Variants in TENM2 observed in about 807,000 individuals in gnomAD.
TENM2 encodes the protein teneurin transmembrane protein 2.
A neutral mutation model predicts 245.2 loss-of-function variants in TENM2; 52 were observed. The ratio of observed to expected loss-of-function variants is 0.21; its 90% CI spans 0.17 to 0.27. The LOEUF is 0.27. TENM2 is among the 10% of genes least tolerant of loss of function. TENM2 has a pLI of 1.00. For missense variants in TENM2, 3,046 were observed against 3,666.8 expected (o/e 0.83, Z 4.37); for synonymous variants, 1,363 against 1,438.9 (o/e 0.95, Z 1.19).
intron 2 of TENM2, among the ~76,000 whole-genome samples, chr5:167,492,851 T>TAAAAAGGAATGGCTCACCCTGAA (rs1320779963): frequency 5.9e-5 from 9 of 152,000 alleles, no homozygotes; most frequent in Non-Finnish European, 1.3e-4. Flanking sequence ...TGATTGATTA[T>TAAAAAGGAATGGCTCACCCTGAA]AAAAAGGAAT....
chr5:167,881,719 C>G (rs909436263), intron 3 of TENM2, among the ~76,000 whole-genome samples: 3 of 152,172 alleles, frequency 2.0e-5, no homozygotes, highest in Admixed American at 2.0e-4. Flanking sequence ...CTCTTCTGGA[C>G]AGGTTCTTGT....
intron 2 of TENM2, among the ~76,000 whole-genome samples, chr5:167,696,954 G>A (rs149601414): frequency 2.3e-3 from 348 of 152,210 alleles, no homozygotes; most frequent in African/African-American, 8.0e-3. Flanking sequence ...GAAAACAAGC[G>A]TCTACACTCT....
chr5:168,062,578 A>T (rs904424067), intron 7 of TENM2, among the ~76,000 whole-genome samples: 1 of 152,208 alleles, frequency 6.6e-6, no homozygotes, highest in Non-Finnish European at 1.5e-5. Flanking sequence ...AAACGTATGT[A>T]TCAGTGTTCA....
chr5:168,143,352 G>A (rs530399473), intron 12 of TENM2, among the ~76,000 whole-genome samples: 1 of 150,958 alleles, frequency 6.6e-6, no homozygotes, highest in Non-Finnish European at 1.5e-5. Context: ...AAATTACTTA[G>A]TATGCTATAT....
intron 15 of TENM2, 97 bp downstream of exon 17, chr5:168,195,392 G>A (rs954433958): frequency 2.1e-6 from 3 of 1,439,472 alleles, no homozygotes; most frequent in Non-Finnish European, 2.8e-6. Context: ...ATTCCCCCTG[G>A]TGGACTGGAA....
intron 14 of TENM2, among the ~76,000 whole-genome samples, chr5:168,194,368 G>T (rs1735212970): frequency 6.6e-6 from 1 of 152,124 alleles, no homozygotes; most frequent in Non-Finnish European, 1.5e-5. Context: ...ACTTTCCCAG[G>T]GGTAGCTGGT....
At chr5:168,134,005 A>C (rs879941167) in intron 12 of TENM2, among the ~76,000 whole-genome samples, 1 of 152,072 alleles carries the variant, frequency 6.6e-6, no homozygotes, top group Admixed American at 6.6e-5. Flanking sequence ...ACATACAAAA[A>C]TTAGCCAGGT....
the TENM2 span, among the ~76,000 whole-genome samples, chr5:167,204,087 G>T: frequency 6.6e-6 from 1 of 151,908 alleles, no homozygotes; most frequent in Non-Finnish European, 1.5e-5. Context: ...TTGCATCCCA[G>T]TGTCTTTGTT....
At chr5:167,016,343 G>T in the TENM2 span, among the ~76,000 whole-genome samples, 1 of 147,890 alleles carries the variant, frequency 6.8e-6, no homozygotes, top group Non-Finnish European at 1.5e-5. Flanking sequence ...CTGAAAAATC[G>T]TTAGTGTACA....
Position 168,034,862 on chromosome 5 carries a change from A to G in TENM2, c.1187-12565A>G, listed in dbSNP as rs576588157. Reference sequence around the variant, plus strand: ...TCAGCTTAGAAAAATCCTGTCAGCCACAGTGGTCTAGGACCTCCTCTGTGA... The same window carrying G: ...TCAGCTTAGAAAAATCCTGTCAGCCGCAGTGGTCTAGGACCTCCTCTGTGA... On this transcript the variant is annotated intron_variant, in intron 5 of 28. Coordinates refer to ENST00000518659, the Ensembl canonical transcript of TENM2. Among the ~76,000 whole-genome samples, 210 of 152,366 alleles carry G rather than the reference A, an allele frequency of 1.4e-3. 1 individual carries two copies. The highest frequency in any genetic ancestry group is 0.013 in the Admixed American group (201 of 15,300).
intron 3 of TENM2, among the ~76,000 whole-genome samples, chr5:167,887,847 C>A (rs11134479): frequency 0.44 from 66,853 of 151,954 alleles, 16,950 homozygotes; most frequent in Non-Finnish European, 0.56. Flanking sequence ...AGTTCCAAAC[C>A]ATGCTCCTTC....
chr5:167,637,195 G>C (rs1779257069), intron 2 of TENM2, among the ~76,000 whole-genome samples: 1 of 152,130 alleles, frequency 6.6e-6, no homozygotes, highest in Non-Finnish European at 1.5e-5. Context: ...GATTGTTGCT[G>C]TTGCTATCTG....
the TENM2 span, among the ~76,000 whole-genome samples, chr5:167,052,821 T>G: frequency 6.6e-6 from 1 of 152,120 alleles, no homozygotes; most frequent in Non-Finnish European, 1.5e-5. Context: ...GAAATAGTTT[T>G]TATCACCTCT....
intron 2 of TENM2, among the ~76,000 whole-genome samples, chr5:167,663,182 G>GAA (rs1554097412): frequency 7.6e-4 from 104 of 137,536 alleles, no homozygotes; most frequent in African/African-American, 2.7e-3. Flanking sequence ...GAGAGAGAGA[G>GAA]AGAGAAAGAG....
At chr5:167,686,837 T>C (rs191561720) in intron 2 of TENM2, among the ~76,000 whole-genome samples, 6 of 152,286 alleles carry the variant, frequency 3.9e-5, no homozygotes, top group African/African-American at 1.4e-4. Context: ...GAGCCCCATT[T>C]CTATTAGGTT....
At chr5:167,959,534 G>C (rs1165543896) in intron 4 of TENM2, among the ~76,000 whole-genome samples, 1 of 152,152 alleles carries the variant, frequency 6.6e-6, no homozygotes, top group African/African-American at 2.4e-5. Flanking sequence ...CTTGTGCTGT[G>C]TTTTTCAGCT....
At chr5:167,087,248 A>G in the TENM2 span, among the ~76,000 whole-genome samples, 1 of 152,122 alleles carries the variant, frequency 6.6e-6, no homozygotes, top group African/African-American at 2.4e-5. Flanking sequence ...TCCTATAAAA[A>G]TGTTCTTTAC....
At chr5:167,238,251 G>T in the TENM2 span, among the ~76,000 whole-genome samples, 1 of 151,996 alleles carries the variant, frequency 6.6e-6, no homozygotes, top group African/African-American at 2.4e-5. Flanking sequence ...AACATTAAAT[G>T]ATAAACATTA....
intron 2 of TENM2, among the ~76,000 whole-genome samples, chr5:167,805,889 G>T (rs1447021872): frequency 1.3e-5 from 2 of 152,186 alleles, no homozygotes; most frequent in East Asian, 1.9e-4. Flanking sequence ...GTCCTGGGGG[G>T]ACTAGATGGC....
Sources: gnomAD v4.1 joint callset for allele counts (sites outside exome capture counted in the v4.1 genomes callset) on GRCh38, gnomAD v4.1.1 for gene constraint, MANE v1.5 for transcripts, NCBI Gene and HGNC (gene_info 2026-07-23, HGNC 2026-07-21) for gene names.